Variants in PRRX2 observed in about 807,000 individuals in gnomAD.
The protein encoded by PRRX2 is paired related homeobox 2.
In PRRX2, 11 loss-of-function variants were observed where a neutral mutation model predicts 18.0. The ratio of observed to expected loss-of-function variants is 0.61; its 90% confidence interval spans 0.39 to 1.01. The LOEUF is 1.01. Ranked by LOEUF, PRRX2 falls within the 50% of genes least tolerant of loss-of-function variation. PRRX2 has a pLI of 0.01. For synonymous variants in PRRX2, 177 were observed against 154.8 expected (o/e 1.14, Z -1.06); for missense variants, 387 against 351.0 (o/e 1.10, Z -0.82).
At chr9:129,682,133 T>G (rs1348956694) in intron 1 of PRRX2, among the ~76,000 whole-genome samples, 1 of 151,838 alleles carries the variant, frequency 6.6e-6, no homozygotes, top group Admixed American at 6.6e-5. Flanking sequence ...AGGTCCAGAG[T>G]GGGGCCAGGA....
rs924011671 is a variant in PRRX2, at chr9:129,666,230, C to A, written c.259+104C>A. 125 of 899,068 alleles carry A rather than the reference C, an allele frequency of 1.4e-4. No homozygotes were observed. In the African/African-American group the frequency reaches 2.2e-3, roughly 16 times the overall value. The allele number at this position is 899,068 out of a possible 1,614,324, so 55.7% of individuals were successfully genotyped here. The stretch of plus-strand genomic sequence containing the variant: ...GCGCGGGGCGGGCGAAGATGCAGGG[C>A]GCGTGGTCGGCGGCAGGACTTCTGG... On this transcript the variant is annotated intron_variant, in intron 1 of 3. Transcript: ENST00000372469.
intron 1 of PRRX2, among the ~76,000 whole-genome samples, chr9:129,684,482 T>TCTCACACACACA (rs777358202): frequency 4.6e-5 from 2 of 43,298 alleles, no homozygotes; most frequent in African/African-American, 2.0e-4. Context: ...ATACCAGAAA[T>TCTCACACACACA]CACACACACA....
rs1832692454 is a variant in PRRX2 at position 129,715,504 on chromosome 9, T to C, written c.260-3727T>C. 6.6e-6 allele frequency among the ~76,000 whole-genome samples: 1 copy of C among 152,076 alleles called. No homozygotes were observed. The highest frequency in any genetic ancestry group is 6.6e-5 in the Admixed American group (1 of 15,262). ...TACTTGGGAGGCTGAGGTGGGGGAA[T>C]TGCTTGAGCCCAGGAGGTCGAGGCT... On this transcript the variant is annotated intron_variant, in intron 1 of 3. Coordinates refer to ENST00000372469, the MANE Select transcript of PRRX2 (RefSeq NM_016307.4). This position sits in a 1 kb window ranked among gnomAD's most constrained non-coding sequence, Gnocchi z 4.0.
intron 1 of PRRX2, among the ~76,000 whole-genome samples, chr9:129,680,707 C>T (rs531690555): frequency 1.3e-5 from 2 of 152,206 alleles, no homozygotes; most frequent in African/African-American, 2.4e-5. Flanking sequence ...GCCCCCAGCC[C>T]GCACACAGGA....
At chr9:129,667,295 G>T (rs557598587) in intron 1 of PRRX2, among the ~76,000 whole-genome samples, 38 of 152,292 alleles carry the variant, frequency 2.5e-4, no homozygotes, top group South Asian at 1.0e-3. Flanking sequence ...AGGAGTTGGG[G>T]TTTAGCTCCT....
intron 1 of PRRX2, among the ~76,000 whole-genome samples, chr9:129,698,270 G>A (rs1176916351): frequency 8.5e-6 from 1 of 117,726 alleles, no homozygotes; most frequent in African/African-American, 2.9e-5. Flanking sequence ...GGGGGGGGGG[G>A]GGCGGGGGCA....
At chr9:129,691,386 G>A (rs1202647559) in intron 1 of PRRX2, among the ~76,000 whole-genome samples, 1 of 151,746 alleles carries the variant, frequency 6.6e-6, no homozygotes, top group African/African-American at 2.4e-5. Context: ...TAAAACACAG[G>A]CAATAGATAC....
chr9:129,711,698 G>A (rs1324891611), intron 1 of PRRX2, among the ~76,000 whole-genome samples: 1 of 151,954 alleles, frequency 6.6e-6, no homozygotes, highest in Non-Finnish European at 1.5e-5. Context: ...CATGAGCCAC[G>A]GCGCCCGGCC....
chr9:129,689,863 C>T (rs1832339260), intron 1 of PRRX2, among the ~76,000 whole-genome samples: 2 of 151,914 alleles, frequency 1.3e-5, no homozygotes, highest in East Asian at 3.9e-4. Flanking sequence ...AGCGATTCTC[C>T]TGCTTCAGCC....
intron 1 of PRRX2, among the ~76,000 whole-genome samples, chr9:129,702,774 T>C (rs1170885092): frequency 6.6e-6 from 1 of 152,138 alleles, no homozygotes; most frequent in African/African-American, 2.4e-5. Context: ...TTAACAAGCT[T>C]CCCGGGGAAT....
chr9:129,697,799 C>A (rs951595930), intron 1 of PRRX2, among the ~76,000 whole-genome samples: 1 of 152,094 alleles, frequency 6.6e-6, no homozygotes, highest in African/African-American at 2.4e-5. Flanking sequence ...GCTGTCTCCA[C>A]CCCACAAAGG....
chr9:129,694,455 G>A (rs1316406175), intron 1 of PRRX2, among the ~76,000 whole-genome samples: 3 of 152,228 alleles, frequency 2.0e-5, no homozygotes, highest in Admixed American at 6.5e-5. Context: ...ACAGTGCTGG[G>A]ATTATGGGCA....
chr9:129,684,492 A>G (rs1832276249), intron 1 of PRRX2, among the ~76,000 whole-genome samples: 1 of 89,698 alleles, frequency 1.1e-5, no homozygotes, highest in East Asian at 2.8e-4. Flanking sequence ...TCACACACAC[A>G]CACACACACA....
At chr9:129,707,681 C>T (rs1418572254) in intron 1 of PRRX2, among the ~76,000 whole-genome samples, 9 of 151,700 alleles carry the variant, frequency 5.9e-5, no homozygotes, top group African/African-American at 1.5e-4. Flanking sequence ...GTCCCAGCTA[C>T]CAGGGAGGCT....
intron 1 of PRRX2, among the ~76,000 whole-genome samples, chr9:129,680,502 G>A (rs1236645268): frequency 7.2e-6 from 1 of 138,464 alleles, no homozygotes; most frequent in Admixed American, 7.2e-5. Context: ...CTGGGAGGAG[G>A]GGCAGATGTC....
At chr9:129,684,006 G>C (rs1231561829) in intron 1 of PRRX2, among the ~76,000 whole-genome samples, 1 of 152,158 alleles carries the variant, frequency 6.6e-6, no homozygotes, top group Admixed American at 6.5e-5. Flanking sequence ...CCCAGAGAGG[G>C]ACCCATGACC....
intron 1 of PRRX2, among the ~76,000 whole-genome samples, chr9:129,705,676 G>T (rs1237650852): frequency 1.3e-5 from 2 of 151,908 alleles, no homozygotes; most frequent in South Asian, 4.1e-4. Context: ...TTTTCTCAAG[G>T]ATCCTGGGCT....
At chr9:129,687,274 G>A (rs139985502) in intron 1 of PRRX2, among the ~76,000 whole-genome samples, 2 of 152,196 alleles carry the variant, frequency 1.3e-5, no homozygotes, top group African/African-American at 4.8e-5. Context: ...ATGCACAGAT[G>A]CTTCATGGAA....
chr9:129,675,960 A>T lies in PRRX2; in HGVS notation c.259+9834A>T, dbSNP rs148009275. ...AAACAGCTGTTAACAGCAGCCCTCT[A>T]ATGCTCTCAAGATGGTGCCTCAGGC... On this transcript the variant is annotated intron_variant, in intron 1 of 3. Transcript: ENST00000372469. This position sits in a 1 kb window ranked among gnomAD's most constrained non-coding sequence, Gnocchi z 4.4. 1.6e-4 allele frequency among the ~76,000 whole-genome samples: 24 copies of T among 152,268 alleles called. No individual in the cohort carries two copies. Among genetic ancestry groups the T allele is most frequent in the African/African-American group, 5.3e-4 (22 of 41,562 alleles).
Sources: gnomAD v4.1 joint callset for allele counts (sites outside exome capture counted in the v4.1 genomes callset) on GRCh38, gnomAD v4.1.1 for gene constraint, Gnocchi (gnomAD v3.1) non-coding constraint, MANE v1.5 for transcripts, NCBI Gene and HGNC (gene_info 2026-07-23, HGNC 2026-07-21) for gene names.